PIK3CD: variants seen among roughly 807,000 people sequenced by gnomAD.
The protein encoded by PIK3CD is phosphatidylinositol-4,5-bisphosphate 3-kinase catalytic subunit delta.
Under a neutral mutation model 122.9 loss-of-function variants are expected in PIK3CD, and 20 were observed. The observed-to-expected ratio is 0.16, with a 90% CI of 0.11 to 0.24. The LOEUF (loss-of-function observed/expected upper bound fraction) is 0.24, where lower values mean the gene tolerates loss of function less well. PIK3CD is among the 10% of genes least tolerant of loss of function. PIK3CD has a pLI of 1.00. For missense variants in PIK3CD, 787 were observed against 1,406.3 expected (o/e 0.56, Z 7.04); for synonymous variants, 596 against 593.4 (o/e 1.00, Z -0.06).
At chr1:9,642,608 T>G in the PIK3CD span, among the ~76,000 whole-genome samples, 8 of 149,568 alleles carry the variant, frequency 5.3e-5, no homozygotes, top group Non-Finnish European at 1.0e-4. Context: ...TCCCAGCTAC[T>G]CAGGAGGCTG....
chr1:9,662,877 C>T (rs1359920988), intron 1 of PIK3CD, among the ~76,000 whole-genome samples: 1 of 152,076 alleles, frequency 6.6e-6, no homozygotes, highest in African/African-American at 2.4e-5. Context: ...TTAGTAGAGA[C>T]GGGGTTTCAC....
In PIK3CD at chr1:9,723,973, G is replaced by A. The variant is rs1371422939; in HGVS notation, c.2599G>A (p.Ala867Thr). The A allele has an allele frequency of 6.2e-7, 1 of 1,614,088 alleles. No individual in the cohort carries two copies. The highest frequency in any genetic ancestry group is 1.7e-4 in the Middle Eastern group (1 of 6,056). Residue 867 changes from alanine to threonine, a missense_variant, in exon 21 of 24, where the codon GCC becomes ACC. Around this residue, in one of 6 missense-constraint regions of PIK3CD, gnomAD observed 69 missense variants for 166.8 expected, o/e 0.41. Transcript: ENST00000377346. The surrounding 1 kb of genome is among the most constrained non-coding windows in gnomAD (Gnocchi z 4.9). ...NWLKSKNPGEALDRAIEEFTL... is the reference protein window; with the variant it reads ...NWLKSKNPGETLDRAIEEFTL... ...TTTTTAATCTTCCCCACCCAGGGAG[G>A]CCCTGGATCGAGCCATTGAGGAGTT...
chr1:9,677,244 G>A (rs1319349298), intron 1 of PIK3CD, among the ~76,000 whole-genome samples: 1 of 152,222 alleles, frequency 6.6e-6, no homozygotes, highest in African/African-American at 2.4e-5. Flanking sequence ...ATGAGTGTGT[G>A]TGTGTGTTTT....
the PIK3CD span, among the ~76,000 whole-genome samples, chr1:9,629,989 C>T: frequency 1.3e-5 from 2 of 152,240 alleles, no homozygotes; most frequent in Admixed American, 6.5e-5. Context: ...GCCCAGGACA[C>T]CACGAGGTTG....
rs1303312055 is a variant in PIK3CD at position 9,710,656 on chromosome 1, C to CACAG, written c.141+62_141+65dup. 6.0e-6 allele frequency: 8 copies of CACAG among 1,335,458 alleles called. No homozygotes were observed. The African/African-American group carries it at 9.1e-5, about 15-fold the overall frequency. The allele number at this position is 1,335,458 out of a possible 1,614,324, so 82.7% of individuals were successfully genotyped here. On this transcript the variant is annotated intron_variant, in intron 3 of 23. Coordinates refer to ENST00000377346, the MANE Select transcript of PIK3CD (RefSeq NM_005026.5). This position sits in a 1 kb window ranked among gnomAD's most constrained non-coding sequence, Gnocchi z 4.7. ...TCAGAGAGAGAGAGAGAGAGAGAGA[C>CACAG]ACAGATAGACAGACAGACAGACAGA...
chr1:9,721,341 G>T (rs777000396), intron 14 of PIK3CD, 93 bp downstream of exon 14: 1 of 1,608,950 alleles, frequency 6.2e-7, no homozygotes. Flanking sequence ...GAACCTTCCC[G>T]TGGGCTTGCT....
rs539499256 is a variant in PIK3CD, at chr1:9,652,538, C to T, written c.-138+736C>T. The T allele has an allele frequency of 6.6e-6, 1 of 152,372 alleles. No individual in the cohort carries two copies. Among genetic ancestry groups the T allele is most frequent in the African/African-American group, 2.4e-5 (1 of 41,594 alleles). 9.4% of individuals were successfully genotyped at this position (152,372 alleles called of 1,614,324 possible). On this transcript the variant is annotated intron_variant, in intron 1 of 23. Transcript: ENST00000377346. The surrounding 1 kb of genome is among the most constrained non-coding windows in gnomAD (Gnocchi z 6.2). ...ATCTGCGGCCGAGCCGGGGTTACGC[C>T]GGCAAAACCGCCCCCAGCTTTGCAT...
At chr1:9,672,122 G>A (rs1032574742) in intron 1 of PIK3CD, among the ~76,000 whole-genome samples, 1 of 152,166 alleles carries the variant, frequency 6.6e-6, no homozygotes, top group Admixed American at 6.5e-5. Flanking sequence ...GAAGAGATGG[G>A]ATGTGCAGCT....
At position 9,718,647 on chromosome 1, in the gene PIK3CD, G is replaced by A. The variant is rs200975612; in HGVS notation, c.1021-47G>A. On this transcript the variant is annotated intron_variant, in intron 8 of 23. Transcript: ENST00000377346. The surrounding 1 kb of genome is among the most constrained non-coding windows in gnomAD (Gnocchi z 7.2). ...TGACACCTTAAGGGGGAGGGGAGAG[G>A]GGCTGGGCCTCTGCCTCCTCACCCA... 9 of 1,543,982 alleles carry A rather than the reference G, an allele frequency of 5.8e-6. No homozygotes were observed. Among genetic ancestry groups the A allele is most frequent in the East Asian group, 2.2e-5 (1 of 44,566 alleles).
intron 1 of PIK3CD, chr1:9,688,141 GGCTCCTGGA>G (rs576926518): frequency 2.6e-4 from 40 of 152,398 alleles, no homozygotes; most frequent in African/African-American, 9.6e-4. Flanking sequence ...GCACGAGGAA[GGCTCCTGGA>G]GCTCATCTGC....
rs1647258728 is a variant in PIK3CD at position 9,715,387 on chromosome 1, A to AGG, written c.142-150_142-149dup. ...GCCTGTCCACCCATGGTCAGCACCC[A>AGG]GGGGGCTGCAGAGAGTGCAGATCTT... On this transcript the variant is annotated intron_variant, in intron 3 of 23. Coordinates refer to ENST00000377346, the MANE Select transcript of PIK3CD (RefSeq NM_005026.5). This position sits in a 1 kb window ranked among gnomAD's most constrained non-coding sequence, Gnocchi z 4.1. 1.3e-5 allele frequency among the ~76,000 whole-genome samples: 2 copies of AGG among 152,146 alleles called. No homozygotes were observed. Among genetic ancestry groups the AGG allele is most frequent in the Admixed American group, 1.3e-4 (2 of 15,278 alleles).
chr1:9,668,804 G>T (rs374461850), intron 1 of PIK3CD, among the ~76,000 whole-genome samples: 21 of 152,326 alleles, frequency 1.4e-4, no homozygotes, highest in African/African-American at 5.1e-4. Flanking sequence ...TCGGCTGGCT[G>T]ACTGGATCTG....
intron 2 of PIK3CD, 43 bp downstream of exon 2, chr1:9,691,614 G>A: frequency 2.5e-6 from 1 of 398,448 alleles, no homozygotes; most frequent in Non-Finnish European, 4.4e-6. Flanking sequence ...GAAGGGAAAG[G>A]AGATGTTATT....
intron 14 of PIK3CD, 75 bp downstream of exon 14, chr1:9,721,323 T>A (rs1570386468): frequency 6.2e-7 from 1 of 1,610,584 alleles, no homozygotes; most frequent in East Asian, 2.2e-5. Flanking sequence ...GGGCTCTGGG[T>A]GGGGCCTGAA....
intron 1 of PIK3CD, among the ~76,000 whole-genome samples, chr1:9,685,226 A>G (rs1645921095): frequency 6.6e-6 from 1 of 151,130 alleles, no homozygotes; most frequent in African/African-American, 2.4e-5. Flanking sequence ...AAATATGGAA[A>G]CTCCTTTGAG....
the PIK3CD span, among the ~76,000 whole-genome samples, chr1:9,641,353 T>C: frequency 6.6e-6 from 1 of 152,168 alleles, no homozygotes; most frequent in African/African-American, 2.4e-5. Context: ...TTGAACTTTG[T>C]ATCAGAAGCA....
Position 9,679,859 on chromosome 1 carries a change from C to G in PIK3CD, c.-137-11608C>G, listed in dbSNP as rs12029280. Among the ~76,000 whole-genome samples the G allele has an allele frequency of 5.8e-4, 88 of 152,282 alleles. No homozygotes were observed. The East Asian group carries it at 0.014, about 24-fold the overall frequency. ...TTATTTTTGAGATGGAGTTTCACTC[C>G]TGTCACACAGGCTGAAGTGCAGTGG... On this transcript the variant is annotated intron_variant, in intron 1 of 23. Transcript: ENST00000377346.
chr1:9,721,903 A>G (rs376877645), intron 16 of PIK3CD, 43 bp downstream of exon 16: 2 of 1,611,932 alleles, frequency 1.2e-6, no homozygotes, highest in Non-Finnish European at 1.7e-6. Context: ...GGCGGCCCTG[A>G]GCGTCTGGGA....
rs929799580 is a variant in PIK3CD at position 9,676,342 on chromosome 1, G to A, written c.-137-15125G>A. Among the ~76,000 whole-genome samples the A allele has an allele frequency of 1.1e-4, 17 of 152,290 alleles. No individual in the cohort carries two copies. In the South Asian group the frequency reaches 2.5e-3, roughly 22 times the overall value. ...CTCCCGCCTCAGCCCCCCATAGTGC[G>A]TAAGCCACCGTGCCCAGCCTAGTTC... On this transcript the variant is annotated intron_variant, in intron 1 of 23. Transcript: ENST00000377346.
Sources: allele counts gnomAD v4.1 joint callset (sites outside exome capture counted in the v4.1 genomes callset), GRCh38; gene constraint gnomAD v4.1.1; regional missense constraint gnomAD v4.1.1; non-coding constraint Gnocchi (gnomAD v3.1); transcripts MANE v1.5; gene names NCBI Gene and HGNC (gene_info 2026-07-23, HGNC 2026-07-21).